DNAH3: variants seen among roughly 807,000 people sequenced by gnomAD.
The protein encoded by DNAH3 is dynein axonemal heavy chain 3.
Under a neutral mutation model 432.5 loss-of-function variants are expected in DNAH3, and 332 were observed. That is an observed-to-expected ratio of 0.77 (90% CI 0.70 to 0.84). The LOEUF (loss-of-function observed/expected upper bound fraction) is 0.84. Ranked by LOEUF, DNAH3 falls within the 40% of genes least tolerant of loss-of-function variation. The pLI, the probability that DNAH3 is intolerant of heterozygous loss-of-function variation, is 0.00. For missense variants in DNAH3, 4,861 were observed against 5,114.0 expected (o/e 0.95, Z 1.51); for synonymous variants, 1,956 against 1,900.2 (o/e 1.03, Z -0.76).
exon 21 of DNAH3, chr16:21,075,521 G>A: frequency 6.2e-7 from 1 of 1,614,018 alleles, no homozygotes; most frequent in Non-Finnish European, 8.5e-7. Context: ...TTTTTCTCCA[G>A]AGAGTATTCC....
intron 1 of DNAH3, among the ~76,000 whole-genome samples, chr16:21,151,504 G>T (rs1228854229): frequency 6.6e-6 from 1 of 151,978 alleles, no homozygotes; most frequent in East Asian, 1.9e-4. Flanking sequence ...CACCGTGTTA[G>T]CCAGGATGGT....
rs749775330 is a variant in DNAH3 at position 20,944,558 on chromosome 16, G to A, written c.11449C>T (p.Leu3817=). The A allele has an allele frequency of 8.1e-6, 13 of 1,614,058 alleles. No homozygotes were observed. In the Admixed American group the frequency reaches 2.0e-4, roughly 25 times the overall value. ...AGGGTCAGCAGGACCCCCTCAAACA[G>A]CTGGTTGGTTTCCTGGTTGTCTTTG... Residue 3817 remains leucine, a synonymous_variant, in exon 58 of 62, where the codon CTG becomes TTG. Transcript: ENST00000261383.
intron 42 of DNAH3, among the ~76,000 whole-genome samples, chr16:21,001,364 T>C (rs2087009989): frequency 1.3e-5 from 2 of 152,180 alleles, no homozygotes; most frequent in Admixed American, 1.3e-4. Flanking sequence ...TCTCCTTCTA[T>C]GTCTAGGCTG....
At chr16:21,135,907 C>A (rs898351150) in intron 6 of DNAH3, among the ~76,000 whole-genome samples, 4 of 150,560 alleles carry the variant, frequency 2.7e-5, no homozygotes, top group East Asian at 4.0e-4. Context: ...TTTAAACTTA[C>A]AAATGTAGAA....
At chr16:20,963,660 G>C (rs759379258) in exon 53 of DNAH3, 1 of 1,614,036 alleles carries the variant, frequency 6.2e-7, no homozygotes, top group Non-Finnish European at 8.5e-7. Context: ...GAGCTGGATT[G>C]GGGTAGGGGT....
At position 21,092,740 on chromosome 16, in the gene DNAH3, T is replaced by C. The variant is rs188968174; in HGVS notation, c.2665+4615A>G. On this transcript the variant is annotated intron_variant, in intron 18 of 61. Transcript: ENST00000261383. ...AAAAAAAAAAGATCTGATAAATGAC[T>C]ATTATCTAAATATACAAAGAATTTT... Among the ~76,000 whole-genome samples the C allele has an allele frequency of 1.4e-3, 146 of 107,032 alleles. 1 individual carries two copies. The highest frequency in any genetic ancestry group is 1.8e-3 in the Non-Finnish European group (95 of 52,326). 70.2% of individuals were successfully genotyped at this position (107,032 alleles called of 152,430 possible). A position where few individuals can be genotyped will look rare whatever the true frequency, so the allele number is the denominator to read the frequency against.
Position 21,111,621 on chromosome 16 carries a change from A to G in DNAH3, c.2099+5T>C, listed in dbSNP as rs202026769. On this transcript the variant is annotated splice_donor_5th_base_variant and intron_variant, in intron 14 of 61. Coordinates refer to ENST00000261383, the Ensembl canonical transcript of DNAH3. ...TTGCTATTTGTCTGCACAGAATTAC[A>G]ATACCTGGTATTGGTGTCTCGGTTT... 4.4e-6 allele frequency: 7 copies of G among 1,608,164 alleles called. No homozygotes were observed. Among genetic ancestry groups the G allele is most frequent in the Non-Finnish European group, 6.0e-6 (7 of 1,175,210 alleles).
chr16:21,005,153 TTTCTTTTC>T (rs1402615827), intron 41 of DNAH3, among the ~76,000 whole-genome samples: 1 of 143,522 alleles, frequency 7.0e-6, no homozygotes, highest in African/African-American at 2.8e-5. Context: ...CTCTCGTCTC[TTTCTTTTC>T]TTTCTTTCTT....
At chr16:21,156,896 G>C (rs1270979430) in intron 1 of DNAH3, among the ~76,000 whole-genome samples, 1 of 150,204 alleles carries the variant, frequency 6.7e-6, no homozygotes, top group Non-Finnish European at 1.5e-5. Flanking sequence ...GACGCCCCTA[G>C]ATGGCACTCT....
exon 43 of DNAH3, chr16:21,000,253 G>C: frequency 1.2e-6 from 2 of 1,613,964 alleles, no homozygotes; most frequent in Non-Finnish European, 1.7e-6. Flanking sequence ...CTTCCCTATG[G>C]GAGGCCCGAA....
chr16:20,988,133 G>A (rs1219344509), intron 44 of DNAH3, 68 bp from the exon 45 acceptor site: 4 of 1,590,768 alleles, frequency 2.5e-6, no homozygotes, highest in Non-Finnish European at 3.4e-6. Context: ...TGTGACCCTA[G>A]GATGCACACG....
chr16:21,080,799 AG>A (rs35578347), intron 20 of DNAH3, among the ~76,000 whole-genome samples: 24,566 of 152,218 alleles, frequency 0.16, 2,629 homozygotes, highest in East Asian at 0.44. Flanking sequence ...AGTGTGAAAA[AG>A]CAAGTAGGGT....
At chr16:21,057,181 G>A (rs978107351) in intron 27 of DNAH3, among the ~76,000 whole-genome samples, 3 of 152,164 alleles carry the variant, frequency 2.0e-5, no homozygotes, top group Non-Finnish European at 4.4e-5. Context: ...GCTGAGGCAA[G>A]GAGGATTGCT....
chr16:20,987,524 C>A, intron 46 of DNAH3, 76 bp from the exon 47 acceptor site: 1 of 1,582,010 alleles, frequency 6.3e-7, no homozygotes. Flanking sequence ...GTAGGTAAGT[C>A]CTGGGGTTGA....
chr16:21,050,978 G>A (rs2089930377), intron 29 of DNAH3, among the ~76,000 whole-genome samples: 1 of 152,058 alleles, frequency 6.6e-6, no homozygotes, highest in South Asian at 2.1e-4. Context: ...GTTTCTTGAG[G>A]TCATGCATGG....
intron 41 of DNAH3, among the ~76,000 whole-genome samples, chr16:21,005,366 TTCTC>T (rs887115519): frequency 3.4e-5 from 5 of 148,978 alleles, no homozygotes; most frequent in Admixed American, 1.3e-4. Flanking sequence ...CTTTCATTCT[TTCTC>T]TCTTTTTCTC....
chr16:21,131,000 C>T (rs939757091), intron 7 of DNAH3, among the ~76,000 whole-genome samples: 1 of 152,160 alleles, frequency 6.6e-6, no homozygotes, highest in Non-Finnish European at 1.5e-5. Flanking sequence ...TAGCTAACAA[C>T]TCCAGGAGGT....
At chr16:20,955,998 G>A (rs1416079709) in intron 54 of DNAH3, among the ~76,000 whole-genome samples, 1 of 151,650 alleles carries the variant, frequency 6.6e-6, no homozygotes, top group Admixed American at 6.6e-5. Context: ...GTGCATCTCG[G>A]CTCACTGCAA....
intron 57 of DNAH3, among the ~76,000 whole-genome samples, chr16:20,945,299 G>A (rs1385532586): frequency 1.3e-5 from 2 of 152,148 alleles, no homozygotes; most frequent in African/African-American, 2.4e-5. Context: ...TCATGACAAT[G>A]TCAGGAAGTT....
Sources: gnomAD v4.1 joint callset for allele counts (sites outside exome capture counted in the v4.1 genomes callset) on GRCh38, gnomAD v4.1.1 for gene constraint, MANE v1.5 for transcripts, NCBI Gene and HGNC (gene_info 2026-07-23, HGNC 2026-07-21) for gene names.